The following REV3L variants were observed in gnomAD, a reference collection of about 807,000 sequenced individuals.
The protein encoded by REV3L is DNA polymerase zeta catalytic subunit.
REV3L carries 69 observed loss-of-function variants against 299.4 expected under a neutral mutation model. That is an observed-to-expected ratio of 0.23 (90% CI 0.19 to 0.28). REV3L has a LOEUF of 0.28. Among genes scored for constraint, REV3L ranks in the 10% least tolerant of loss-of-function variants. The probability of loss-of-function intolerance (pLI) is 1.00; values close to 1 mark genes in which losing one functional copy is unlikely to be tolerated. For synonymous variants in REV3L, 1,238 were observed against 1,271.4 expected, an observed-to-expected ratio of 0.97 and a Z score of 0.56; for missense variants, 3,128 against 3,693.8, an observed-to-expected ratio of 0.85 and a Z score of 3.97.
intron 10 of REV3L, 131 bp from the exon 11 acceptor site, chr6:111,380,350 C>T: frequency 3.1e-6 from 2 of 639,220 alleles, no homozygotes; most frequent in South Asian, 4.0e-5. Flanking sequence ...AGCTCTGCCT[C>T]CTGGGTTCAT....
intron 1 of REV3L, among the ~76,000 whole-genome samples, chr6:111,461,377 A>G (rs1790756080): frequency 1.3e-5 from 2 of 152,152 alleles, no homozygotes; most frequent in Non-Finnish European, 2.9e-5. Context: ...ATACTTTTGT[A>G]CAGCTGTACA....
At position 111,373,304 on chromosome 6, in the gene REV3L, T is replaced by A; in HGVS notation, c.5051A>T (p.Asp1684Val). Residue 1684 changes from aspartate (D) to valine (V), a missense_variant, in exon 13 of 32, where the codon GAT (aspartate) becomes GTT (valine). By Grantham distance (152) the Asp-to-Val change is radical. This residue lies in a region of REV3L where 2,409 missense variants were observed against 2,611.8 expected (regional missense o/e 0.92). Transcript: ENST00000368802. ...TTCTATAGCTTGTCCTGGAAAAAGA[T>A]CCTGAACAGCATCACTTAGGAACTT... is the stretch of plus-strand genomic sequence containing the variant. The part of the protein sequence containing the change: ...PQKFLSDAVQ[D>V]LFPGQAIEKN... The A allele has an allele frequency of 6.2e-7, 1 of 1,614,072 alleles. No individual in the cohort carries two copies. The highest frequency in any genetic ancestry group is 8.5e-7 in the Non-Finnish European group (1 of 1,179,994).
chr6:111,401,321 A>G (rs556397698), intron 4 of REV3L, among the ~76,000 whole-genome samples: 30 of 152,308 alleles, frequency 2.0e-4, no homozygotes, highest in African/African-American at 3.1e-4. Flanking sequence ...CTTTTCTTCT[A>G]TCTTCCCTCT....
At chr6:111,401,932 C>T (rs745449493) in intron 4 of REV3L, among the ~76,000 whole-genome samples, 8 of 151,656 alleles carry the variant, frequency 5.3e-5, no homozygotes, top group Non-Finnish European at 1.0e-4. Flanking sequence ...AGCAACATGG[C>T]GAAACCCTAT....
chr6:111,415,389 G>A (rs969684629), intron 2 of REV3L, among the ~76,000 whole-genome samples: 10 of 152,172 alleles, frequency 6.6e-5, no homozygotes, highest in Non-Finnish European at 1.2e-4. Context: ...GCCATGCTCA[G>A]TCATAGGGTA....
At chr6:111,433,914 C>T (rs1787233810) in intron 1 of REV3L, among the ~76,000 whole-genome samples, 1 of 152,124 alleles carries the variant, frequency 6.6e-6, no homozygotes, top group Non-Finnish European at 1.5e-5. Context: ...AATCAGTGAA[C>T]ATGATACATC....
Position 111,359,002 on chromosome 6 carries a change from T to A in REV3L, c.6892A>T (p.Thr2298Ser), listed in dbSNP as rs1778373852. The A allele has an allele frequency of 6.2e-7, 1 of 1,609,294 alleles. No individual in the cohort carries two copies. Among genetic ancestry groups the A allele is most frequent in the African/African-American group, 1.3e-5 (1 of 74,826 alleles). The change falls in exon 17 of 32, where the codon ACC becomes TCC. Residue 2298 changes from threonine (T) to serine (S), a missense_variant. Coordinates refer to ENST00000368802, the MANE Select transcript of REV3L (RefSeq NM_001372078.1). Reference sequence around the variant, plus strand: ...GCATGCAACTCCACACTGATTAGGGTAAGATTTTGTATCTATAAAAGCAAA... The same window carrying A: ...GCATGCAACTCCACACTGATTAGGGAAAGATTTTGTATCTATAAAAGCAAA... The part of the protein sequence containing the change: ...AKALHEIQNL[T>S]LISVELHART...
At chr6:111,427,550 C>T (rs956206049) in intron 1 of REV3L, among the ~76,000 whole-genome samples, 4 of 152,138 alleles carry the variant, frequency 2.6e-5, no homozygotes, top group African/African-American at 9.7e-5. Flanking sequence ...AGACAGTTCC[C>T]AAGGCCACAA....
intron 1 of REV3L, among the ~76,000 whole-genome samples, chr6:111,472,814 C>CA (rs1463053787): frequency 7.2e-5 from 11 of 152,094 alleles, no homozygotes; most frequent in Non-Finnish European, 1.2e-4. Flanking sequence ...AACACACACA[C>CA]ACACCAAACA....
chr6:111,351,316 T>C (rs1392889168), intron 19 of REV3L, among the ~76,000 whole-genome samples: 1 of 151,972 alleles, frequency 6.6e-6, no homozygotes, highest in Non-Finnish European at 1.5e-5. Context: ...AGCTTCATAA[T>C]AATTATGAAG....
At chr6:111,379,953 TA>T in intron 11 of REV3L, 28 bp downstream of exon 11, 1 of 1,335,510 alleles carries the variant, frequency 7.5e-7, no homozygotes, top group Non-Finnish European at 1.1e-6. Context: ...TAAAAGTTAA[TA>T]AAACAACTGC....
At chr6:111,362,259 T>G (rs1778766656) in intron 16 of REV3L, among the ~76,000 whole-genome samples, 1 of 152,156 alleles carries the variant, frequency 6.6e-6, no homozygotes, top group Non-Finnish European at 1.5e-5. Context: ...AGGGAGAGAC[T>G]ATGTTCCAAT....
At chr6:111,475,679 G>C (rs73765977) in intron 1 of REV3L, among the ~76,000 whole-genome samples, 11 of 152,040 alleles carry the variant, frequency 7.2e-5, no homozygotes. Flanking sequence ...TTTGTATTAA[G>C]AGGAACTTAG....
chr6:111,420,794 G>A (rs1785251733), intron 1 of REV3L, among the ~76,000 whole-genome samples: 1 of 152,174 alleles, frequency 6.6e-6, no homozygotes, highest in African/African-American at 2.4e-5. Flanking sequence ...CTTCAACAAG[G>A]AGTATGTGGG....
At chr6:111,443,400 C>A (rs1321521442) in intron 1 of REV3L, among the ~76,000 whole-genome samples, 4 of 152,062 alleles carry the variant, frequency 2.6e-5, no homozygotes, top group African/African-American at 9.7e-5. Flanking sequence ...CCGCGCCCGG[C>A]CATATCTAGT....
intron 1 of REV3L, among the ~76,000 whole-genome samples, chr6:111,455,885 A>G (rs1394317977): frequency 1.3e-5 from 2 of 152,210 alleles, no homozygotes; most frequent in South Asian, 2.1e-4. Context: ...CCTGTGCCAC[A>G]TAACAATGTT....
chr6:111,437,996 G>T lies in REV3L; in HGVS notation c.140-21524C>A, dbSNP rs1462801529. On this transcript the variant is annotated intron_variant, in intron 1 of 31. Transcript: ENST00000368802. ...GCCTCTCGAGTAGCTGGAACTACAGGTATGTGACACCTGCCTAATTTTTTT... is the reference window on the plus strand; with the variant it reads ...GCCTCTCGAGTAGCTGGAACTACAGTTATGTGACACCTGCCTAATTTTTTT... Among the ~76,000 whole-genome samples the T allele has an allele frequency of 2.0e-5, 3 of 151,100 alleles. No individual in the cohort carries two copies. The Admixed American group carries it at 2.0e-4, about 10-fold the overall frequency.
At chr6:111,366,091 T>C (rs1394173766) in intron 14 of REV3L, among the ~76,000 whole-genome samples, 3 of 152,210 alleles carry the variant, frequency 2.0e-5, no homozygotes, top group African/African-American at 7.2e-5. Context: ...ATTCTATGTT[T>C]CTGACTTGTG....
intron 26 of REV3L, among the ~76,000 whole-genome samples, chr6:111,320,957 T>C (rs1475984564): frequency 6.6e-6 from 1 of 152,204 alleles, no homozygotes; most frequent in African/African-American, 2.4e-5. Context: ...GGCCAATGTT[T>C]GTTGAATGTA....
Sources: allele counts gnomAD v4.1 joint callset (sites outside exome capture counted in the v4.1 genomes callset), GRCh38; gene constraint gnomAD v4.1.1; regional missense constraint gnomAD v4.1.1; transcripts MANE v1.5; gene names NCBI Gene and HGNC (gene_info 2026-07-23, HGNC 2026-07-21).